MAK: variants seen among roughly 807,000 people sequenced by gnomAD.
MAK encodes the protein male germ cell associated kinase, also known as serine/threonine-protein kinase MAK.
A neutral mutation model predicts 82.6 loss-of-function variants in MAK; 65 were observed. That is an observed-to-expected ratio of 0.79 (90% CI 0.64 to 0.97). The LOEUF (loss-of-function observed/expected upper bound fraction) is 0.97. Among genes scored for constraint, MAK ranks in the 50% least tolerant of loss-of-function variants. The pLI, the probability that MAK is intolerant of heterozygous loss-of-function variation, is 0.00. For missense variants in MAK, 703 were observed against 780.2 expected (o/e 0.90, Z 1.18); for synonymous variants, 250 against 274.2 (o/e 0.91, Z 0.87).
chr6:10,830,476 A>G, intron 2 of MAK, 72 bp downstream of exon 2: 2 of 1,285,930 alleles, frequency 1.6e-6, no homozygotes, highest in Non-Finnish European at 2.3e-6. Context: ...GCTGGTATAT[A>G]TTCTTAAGCG....
chr6:10,783,826 C>T (rs1230226298), intron 11 of MAK, among the ~76,000 whole-genome samples: 1 of 152,102 alleles, frequency 6.6e-6, no homozygotes, highest in Non-Finnish European at 1.5e-5. Context: ...CGAGACCATC[C>T]CGGCTAACAC....
chr6:10,769,931 C>T, intron 14 of MAK, 180 bp downstream of exon 14: 3 of 1,143,316 alleles, frequency 2.6e-6, no homozygotes, highest in African/African-American at 1.6e-5. Context: ...AATTATTAGA[C>T]CCTCAAATCC....
intron 11 of MAK, among the ~76,000 whole-genome samples, chr6:10,783,742 T>C (rs569101443): frequency 1.7e-4 from 26 of 152,272 alleles, no homozygotes; most frequent in East Asian, 5.8e-4. Flanking sequence ...CCAGATTGGC[T>C]GGGCACAGTG....
chr6:10,798,263 C>T (rs745530688), intron 8 of MAK, among the ~76,000 whole-genome samples: 58 of 151,910 alleles, frequency 3.8e-4, no homozygotes, highest in African/African-American at 1.3e-3. Flanking sequence ...TACAGGCACA[C>T]GCCACCATGC....
chr6:10,837,451 C>G (rs532817277), intron 1 of MAK, among the ~76,000 whole-genome samples: 1 of 152,300 alleles, frequency 6.6e-6, no homozygotes, highest in African/African-American at 2.4e-5. Flanking sequence ...CAGGCGGTGG[C>G]GCGGTTGGGG....
chr6:10,824,357 C>T (rs1405814358), intron 2 of MAK, among the ~76,000 whole-genome samples: 3 of 152,192 alleles, frequency 2.0e-5, no homozygotes, highest in East Asian at 1.9e-4. Context: ...TTTTCACCGT[C>T]GCTACCCTCA....
At chr6:10,832,434 C>A (rs1251950925) in intron 1 of MAK, among the ~76,000 whole-genome samples, 1 of 152,212 alleles carries the variant, frequency 6.6e-6, no homozygotes, top group Admixed American at 6.5e-5. Flanking sequence ...GTCAATGTAG[C>A]AAATACCATT....
chr6:10,820,134 C>A (rs1777822960), intron 2 of MAK, among the ~76,000 whole-genome samples: 2 of 151,660 alleles, frequency 1.3e-5, no homozygotes, highest in Non-Finnish European at 2.9e-5. Context: ...TTAAAAAAAA[C>A]AGGATTCATA....
intron 11 of MAK, among the ~76,000 whole-genome samples, chr6:10,777,014 C>T (rs901300953): frequency 3.3e-5 from 5 of 151,454 alleles, no homozygotes; most frequent in Non-Finnish European, 7.4e-5. Flanking sequence ...CACCACTGCA[C>T]TCTAGCCTGG....
chr6:10,816,228 A>C (rs1777494069), intron 4 of MAK, among the ~76,000 whole-genome samples: 1 of 151,452 alleles, frequency 6.6e-6, no homozygotes, highest in Non-Finnish European at 1.5e-5. Context: ...GTGCCACCAC[A>C]CCTGGCTAAT....
chr6:10,792,373 C>T (rs1412767316), intron 9 of MAK, among the ~76,000 whole-genome samples: 1 of 152,198 alleles, frequency 6.6e-6, no homozygotes, highest in Non-Finnish European at 1.5e-5. Context: ...CAGCCTGCCT[C>T]CTCTGCAAGC....
Position 10,800,570 on chromosome 6 carries a change from T to C in MAK, c.831+1322A>G, listed in dbSNP as rs887871423. ...AAAATGTAATCCTGGTCGGGCGCGG[T>C]GGCTCACACCTGTAATCCCAGCACT... is the stretch of plus-strand genomic sequence containing the variant. On this transcript the variant is annotated intron_variant, in intron 8 of 14. Transcript: ENST00000354489. This position sits in a 1 kb window ranked among gnomAD's most constrained non-coding sequence, Gnocchi z 4.2. Among the ~76,000 whole-genome samples the C allele has an allele frequency of 2.0e-5, 3 of 152,062 alleles. No individual in the cohort carries two copies. Among genetic ancestry groups the C allele is most frequent in the Admixed American group, 6.6e-5 (1 of 15,254 alleles).
intron 10 of MAK, among the ~76,000 whole-genome samples, chr6:10,789,801 G>A (rs1022475371): frequency 2.0e-5 from 3 of 151,954 alleles, no homozygotes; most frequent in African/African-American, 7.3e-5. Context: ...GATTACAGGC[G>A]CCCGCCACCA....
At chr6:10,822,055 G>C (rs1207041945) in intron 2 of MAK, among the ~76,000 whole-genome samples, 1 of 149,860 alleles carries the variant, frequency 6.7e-6, no homozygotes, top group African/African-American at 2.5e-5. Context: ...GCTGAGGCAG[G>C]AGAATGGCGT....
intron 11 of MAK, among the ~76,000 whole-genome samples, chr6:10,777,520 A>G (rs1773564496): frequency 1.3e-5 from 2 of 152,194 alleles, no homozygotes. Flanking sequence ...TGAATATTTA[A>G]ATGATGTTGT....
intron 6 of MAK, among the ~76,000 whole-genome samples, chr6:10,806,636 C>T (rs571588379): frequency 0.01 from 1,559 of 150,974 alleles, 29 homozygotes; most frequent in African/African-American, 0.036. Context: ...GGATTACAGG[C>T]GTGAGCCACT....
At chr6:10,783,874 C>T (rs895845048) in intron 11 of MAK, among the ~76,000 whole-genome samples, 2 of 152,054 alleles carry the variant, frequency 1.3e-5, no homozygotes, top group Admixed American at 6.6e-5. Context: ...CAAAAATTAG[C>T]CAGGCGTGGT....
At chr6:10,773,241 G>A in intron 12 of MAK, 133 bp from the exon 13 acceptor site, 1 of 502,668 alleles carries the variant, frequency 2.0e-6, no homozygotes, top group South Asian at 3.4e-5. Flanking sequence ...TGTCCCCATT[G>A]TTGTCACAGC....
intron 14 of MAK, among the ~76,000 whole-genome samples, chr6:10,769,486 G>A (rs1463186531): frequency 6.6e-6 from 1 of 152,156 alleles, no homozygotes; most frequent in African/African-American, 2.4e-5. Flanking sequence ...GAGGGTGGAG[G>A]GATAAACCCT....
Sources: allele counts gnomAD v4.1 joint callset (sites outside exome capture counted in the v4.1 genomes callset), GRCh38; gene constraint gnomAD v4.1.1; non-coding constraint Gnocchi (gnomAD v3.1); transcripts MANE v1.5; gene names NCBI Gene and HGNC (gene_info 2026-07-23, HGNC 2026-07-21).